TMEM185B: variants seen among roughly 807,000 people sequenced by gnomAD.
TMEM185B encodes the protein transmembrane protein 185B.
Under a neutral mutation model 26.2 loss-of-function variants are expected in TMEM185B, and 9 were observed. That is an observed-to-expected ratio of 0.34 (90% confidence interval 0.21 to 0.60). TMEM185B has a LOEUF of 0.60. Among genes scored for constraint, TMEM185B ranks in the 20% least tolerant of loss-of-function variants. The pLI is 0.80. For missense variants in TMEM185B, 392 were observed against 447.9 expected (o/e 0.88, Z 1.13); for synonymous variants, 204 against 191.8 (o/e 1.06, Z -0.52).
rs1382045481 is a variant in TMEM185B at position 120,221,975 on chromosome 2, A to T, written c.1002T>A (p.Pro334=). 1.3e-6 allele frequency: 2 copies of T among 1,536,334 alleles called. No individual in the cohort carries two copies. Reference sequence around the variant, plus strand: ...TGGGAGGGGGGGGAACGTATTTCCCAGGGCTCTGGGTTATAACTACTCTGG... The same window carrying T: ...TGGGAGGGGGGGGAACGTATTTCCCTGGGCTCTGGGTTATAACTACTCTGG... ...KKARVVITQS[P]GKYVPPPPKL... is the part of the protein sequence containing the mutation. The change falls in exon 1 of 1, where the codon CCT becomes CCA. Residue 334 remains proline (P), a synonymous_variant. Transcript: ENST00000426077.
chr2:120,221,930 T>G lies in TMEM185B; in HGVS notation c.1047A>C (p.Pro349=). The part of the protein sequence containing the change: ...PPPPKLNIDM[P]D ...CTGGGTCCTCTCTAGGAGTTTAATC[T>G]GGCATATCAATATTTAACTTGGGAG... Residue 349 remains proline, a synonymous_variant, in exon 1 of 1, where the codon CCA becomes CCC. Transcript: ENST00000426077. 1 of 1,527,948 alleles carries G rather than the reference T, an allele frequency of 6.5e-7. No individual in the cohort carries two copies. The highest frequency in any genetic ancestry group is 8.7e-7 in the Non-Finnish European group (1 of 1,143,382). 94.6% of individuals were successfully genotyped at this position (1,527,948 alleles called of 1,614,324 possible). A position where few individuals can be genotyped will look rare whatever the true frequency, so the allele number is the denominator to read the frequency against.
chr2:120,219,306 G>C lies in TMEM185B; in HGVS notation c.*2618C>G, dbSNP rs530165158. ...TTTCATGGCAGTTAGGTAAATCCCA[G>C]GCACTGAAGTGCTCGCAGCCTCACA... On this transcript the variant is annotated 3_prime_UTR_variant, in exon 1 of 1. Transcript: ENST00000426077. Among the ~76,000 whole-genome samples the C allele has an allele frequency of 2.0e-5, 3 of 152,290 alleles. No individual in the cohort carries two copies. In the East Asian group the frequency reaches 5.8e-4, roughly 29 times the overall value.
rs1688559475 is a variant in TMEM185B at position 120,219,991 on chromosome 2, T to C, written c.*1933A>G. 6.6e-6 allele frequency among the ~76,000 whole-genome samples: 1 copy of C among 152,220 alleles called. No individual in the cohort carries two copies. On this transcript the variant is annotated 3_prime_UTR_variant, in exon 1 of 1. Transcript: ENST00000426077. ...CCCACTGCTGCTCAGGGCTGCCGGCTGGTGTAAACTGCCAGTGTGAGAGAG... is the reference window on the plus strand; with the variant it reads ...CCCACTGCTGCTCAGGGCTGCCGGCCGGTGTAAACTGCCAGTGTGAGAGAG...
rs1260377623 is a variant in TMEM185B, at chr2:120,220,985, GTTGC to G, written c.*935_*938del. On this transcript the variant is annotated 3_prime_UTR_variant, in exon 1 of 1. Transcript: ENST00000426077. ...ATTCTTAGAAATGGACAAACCACTTGTTGCTTATTTCCACACAGTTACTACCTGT... is the reference window on the plus strand; with the variant it reads ...ATTCTTAGAAATGGACAAACCACTTGTTATTTCCACACAGTTACTACCTGT... Among the ~76,000 whole-genome samples the G allele has an allele frequency of 6.6e-6, 1 of 152,126 alleles. No homozygotes were observed. The highest frequency in any genetic ancestry group is 1.5e-5 in the Non-Finnish European group (1 of 68,014).
chr2:120,223,229 C>T lies in TMEM185B; in HGVS notation c.-253G>A, dbSNP rs1688626826. The T allele has an allele frequency of 3.3e-6, 1 of 302,828 alleles. No individual in the cohort carries two copies. Among genetic ancestry groups the T allele is most frequent in the East Asian group, 5.4e-5 (1 of 18,632 alleles). 18.8% of individuals were successfully genotyped at this position (302,828 alleles called of 1,614,324 possible). On this transcript the variant is annotated 5_prime_UTR_variant, in exon 1 of 1. Transcript: ENST00000426077. The stretch of plus-strand genomic sequence containing the variant: ...GCGGGCACGGGCGGCGCGGCGGTTA[C>T]AAACTGGGCGCTGCCTCGGTCCCGC...
chr2:120,221,936 ATCAATAT>A lies in TMEM185B; in HGVS notation c.1034_1040del (p.Asn345IlefsTer53). The A allele has an allele frequency of 6.5e-7, 1 of 1,531,044 alleles. No homozygotes were observed. Among genetic ancestry groups the A allele is most frequent in the Non-Finnish European group, 8.7e-7 (1 of 1,144,866 alleles). The allele number at this position is 1,531,044 out of a possible 1,614,324, so 94.8% of individuals were successfully genotyped here. A position where few individuals can be genotyped will look rare whatever the true frequency, so the allele number is the denominator to read the frequency against. The stretch of plus-strand genomic sequence containing the variant: ...CCTCTCTAGGAGTTTAATCTGGCAT[ATCAATAT>A]TTAACTTGGGAGGGGGGGGAACGTA... On this transcript the variant is annotated frameshift_variant, in exon 1 of 1. Transcript: ENST00000426077. LOFTEE classifies it high-confidence loss of function.
Position 120,223,307 on chromosome 2 carries a change from G to C in TMEM185B, c.-331C>G, listed in dbSNP as rs1286665095. The C allele has an allele frequency of 5.3e-6, 1 of 188,354 alleles. No homozygotes were observed. Among genetic ancestry groups the C allele is most frequent in the Non-Finnish European group, 1.1e-5 (1 of 92,460 alleles). 11.7% of individuals were successfully genotyped at this position (188,354 alleles called of 1,614,324 possible). On this transcript the variant is annotated 5_prime_UTR_variant, in exon 1 of 1. Coordinates refer to ENST00000426077, the MANE Select transcript of TMEM185B (RefSeq NM_024121.3). The stretch of plus-strand genomic sequence containing the variant: ...CAAGAAGGCACCTAATGCGTGTGGG[G>C]CCCGAAGGGGCCTGGCGCGCTGCTG...
rs1027226875 is a variant in TMEM185B, at chr2:120,221,711, G to T, written c.*213C>A. 1.8e-6 allele frequency: 1 copy of T among 548,742 alleles called. No homozygotes were observed. Among genetic ancestry groups the T allele is most frequent in the Non-Finnish European group, 3.2e-6 (1 of 314,018 alleles). 34.0% of individuals were successfully genotyped at this position (548,742 alleles called of 1,614,324 possible). A position where few individuals can be genotyped will look rare whatever the true frequency, so the allele number is the denominator to read the frequency against. Reference sequence around the variant, plus strand: ...TGCCCCCAGCTACACCTGAAAGTGCGAACCTGGAAAGCAAGTCTCTTACCC... The same window carrying T: ...TGCCCCCAGCTACACCTGAAAGTGCTAACCTGGAAAGCAAGTCTCTTACCC... On this transcript the variant is annotated 3_prime_UTR_variant, in exon 1 of 1. Transcript: ENST00000426077.
chr2:120,219,177 G>C lies in TMEM185B; in HGVS notation c.*2747C>G, dbSNP rs1233798834. On this transcript the variant is annotated 3_prime_UTR_variant, in exon 1 of 1. Coordinates refer to ENST00000426077, the MANE Select transcript of TMEM185B (RefSeq NM_024121.3). ...ACCCAAGAATGGGAATCTAGTTGTAGACCACTGAGATTTCTGATGCTGTTT... is the reference window on the plus strand; with the variant it reads ...ACCCAAGAATGGGAATCTAGTTGTACACCACTGAGATTTCTGATGCTGTTT... Among the ~76,000 whole-genome samples the C allele has an allele frequency of 6.6e-6, 1 of 152,200 alleles. No homozygotes were observed.
chr2:120,217,871 G>T lies in TMEM185B; in HGVS notation c.*4053C>A, dbSNP rs760028565. Among the ~76,000 whole-genome samples the T allele has an allele frequency of 1.3e-5, 2 of 152,184 alleles. No homozygotes were observed. Among genetic ancestry groups the T allele is most frequent in the African/African-American group, 2.4e-5 (1 of 41,440 alleles). On this transcript the variant is annotated 3_prime_UTR_variant, in exon 1 of 1. Transcript: ENST00000426077. Reference sequence around the variant, plus strand: ...GACACCTGCAGATATCCTGGGTTGCGGGCTGGAAGAAGTATTAACAGTTGA... The same window carrying T: ...GACACCTGCAGATATCCTGGGTTGCTGGCTGGAAGAAGTATTAACAGTTGA...
rs899255559 is a variant in TMEM185B, at chr2:120,219,124, G to A, written c.*2800C>T. Among the ~76,000 whole-genome samples the A allele has an allele frequency of 6.6e-6, 1 of 152,222 alleles. No homozygotes were observed. The highest frequency in any genetic ancestry group is 1.5e-5 in the Non-Finnish European group (1 of 68,038). On this transcript the variant is annotated 3_prime_UTR_variant, in exon 1 of 1. Coordinates refer to ENST00000426077, the MANE Select transcript of TMEM185B (RefSeq NM_024121.3). Reference sequence around the variant, plus strand: ...GACGTGATCAGACCCCCAGCCTGGAGCATAACCTAGAAGCCAACTTGTAGA... The same window carrying A: ...GACGTGATCAGACCCCCAGCCTGGAACATAACCTAGAAGCCAACTTGTAGA...
chr2:120,223,366 C>G lies in TMEM185B; in HGVS notation c.-390G>C, dbSNP rs1688630274. The G allele has an allele frequency of 6.2e-6, 1 of 161,720 alleles. No homozygotes were observed. Among genetic ancestry groups the G allele is most frequent in the Admixed American group, 6.5e-5 (1 of 15,480 alleles). 10.0% of individuals were successfully genotyped at this position (161,720 alleles called of 1,614,324 possible). A position where few individuals can be genotyped will look rare whatever the true frequency, so the allele number is the denominator to read the frequency against. ...AGCGGCCCGCGACCTTGGGCGGACG[C>G]TTCCAGGCGACTCCGGGAACATGGA... On this transcript the variant is annotated 5_prime_UTR_variant, in exon 1 of 1. Coordinates refer to ENST00000426077, the MANE Select transcript of TMEM185B (RefSeq NM_024121.3).
rs183134242 is a variant in TMEM185B, at chr2:120,221,908, G to C, written c.*16C>G. 52 of 1,500,354 alleles carry C rather than the reference G, an allele frequency of 3.5e-5. No homozygotes were observed. Among genetic ancestry groups the C allele is most frequent in the Admixed American group, 8.7e-5 (4 of 45,898 alleles). 92.9% of individuals were successfully genotyped at this position (1,500,354 alleles called of 1,614,324 possible). A position where few individuals can be genotyped will look rare whatever the true frequency, so the allele number is the denominator to read the frequency against. On this transcript the variant is annotated 3_prime_UTR_variant, in exon 1 of 1. Transcript: ENST00000426077. ...GCCAAGTGGAGTCTGTGTGTGCCTG[G>C]GTCCTCTCTAGGAGTTTAATCTGGC...
In TMEM185B at chr2:120,222,159, C is replaced by A; in HGVS notation, c.818G>T (p.Gly273Val). ...RRKGGNHWWF[G>V]IRRDFCQFLL... is the part of the protein sequence containing the mutation. ...AAACTGACAGAAGTCTCTGCGAATG[C>A]CAAACCACCAATGATTGCCCCCCTT... Residue 273 changes from glycine (G) to valine (V), a missense_variant, in exon 1 of 1, where the codon GGC becomes GTC. Physicochemically the swap from Gly to Val is moderately radical, Grantham distance 109. This residue lies in a region of TMEM185B where 176 missense variants were observed against 201.6 expected (regional missense o/e 0.87). Coordinates refer to ENST00000426077, the MANE Select transcript of TMEM185B (RefSeq NM_024121.3). The A allele has an allele frequency of 6.4e-7, 1 of 1,561,140 alleles. No individual in the cohort carries two copies.
Position 120,222,622 on chromosome 2 carries a change from G to C in TMEM185B, c.355C>G (p.Leu119Val), listed in dbSNP as rs1574831652. 2.6e-6 allele frequency: 4 copies of C among 1,536,478 alleles called. No individual in the cohort carries two copies. In the Middle Eastern group the frequency reaches 5.0e-4, roughly 192 times the overall value. The change falls in exon 1 of 1, where the codon CTC (leucine) becomes GTC (valine). Residue 119 changes from leucine (L) to valine (V), a missense_variant. Coordinates refer to ENST00000426077, the MANE Select transcript of TMEM185B (RefSeq NM_024121.3). The part of the protein sequence containing the change: ...THFWLLVFMP[L>V]FFVSPVSVAA... ...ACGGACACGGGGGACACGAAGAAGA[G>C]AGGCATGAAGACCAGCAGCCAGAAG...
Position 120,221,123 on chromosome 2 carries a change from A to G in TMEM185B, c.*801T>C, listed in dbSNP as rs1688579054. On this transcript the variant is annotated 3_prime_UTR_variant, in exon 1 of 1. Transcript: ENST00000426077. Reference sequence around the variant, plus strand: ...GTGGCCTCTTCCTCTACTAACGGGTACTACCAGAGACCTTGGTTACTAACA... The same window carrying G: ...GTGGCCTCTTCCTCTACTAACGGGTGCTACCAGAGACCTTGGTTACTAACA... Among the ~76,000 whole-genome samples the G allele has an allele frequency of 6.6e-6, 1 of 152,224 alleles. No homozygotes were observed. Among genetic ancestry groups the G allele is most frequent in the Admixed American group, 6.5e-5 (1 of 15,284 alleles).
At position 120,218,523 on chromosome 2, in the gene TMEM185B, G is replaced by A. The variant is rs772474875; in HGVS notation, c.*3401C>T. 3.3e-5 allele frequency among the ~76,000 whole-genome samples: 5 copies of A among 152,238 alleles called. No homozygotes were observed. Among genetic ancestry groups the A allele is most frequent in the African/African-American group, 1.2e-4 (5 of 41,472 alleles). On this transcript the variant is annotated 3_prime_UTR_variant, in exon 1 of 1. Transcript: ENST00000426077. The stretch of plus-strand genomic sequence containing the variant: ...GTCAGGGCCCTGGCAGGGCCAGGTG[G>A]GGATGGCCTCCCTCACCGTCTGCTG...
At position 120,222,568 on chromosome 2, in the gene TMEM185B, C is replaced by G; in HGVS notation, c.409G>C (p.Asp137His). ...AGGATCTCCAGCTCCAGCGACCTAT[C>G]GTGTCGAAAGCCCCAGACGCAGGCA... ...VAACVWGFRH[D>H]RSLELEILCS... is the part of the protein sequence containing the mutation. The change falls in exon 1 of 1, where the codon GAT becomes CAT. Residue 137 changes from aspartate to histidine, a missense_variant. Transcript: ENST00000426077. 3 of 1,536,472 alleles carry G rather than the reference C, an allele frequency of 2.0e-6. No individual in the cohort carries two copies. The highest frequency in any genetic ancestry group is 2.6e-6 in the Non-Finnish European group (3 of 1,147,006).
rs886547954 is a variant in TMEM185B at position 120,218,825 on chromosome 2, A to G, written c.*3099T>C. Among the ~76,000 whole-genome samples, 2 of 152,168 alleles carry G rather than the reference A, an allele frequency of 1.3e-5. No homozygotes were observed. Among genetic ancestry groups the G allele is most frequent in the Non-Finnish European group, 2.9e-5 (2 of 68,034 alleles). On this transcript the variant is annotated 3_prime_UTR_variant, in exon 1 of 1. Transcript: ENST00000426077. ...ACAAATCATGGATGATCTGCCACAC[A>G]TTTTGCGACTCCTTGAGAACCATTT...
Sources: allele counts gnomAD v4.1 joint callset (sites outside exome capture counted in the v4.1 genomes callset), GRCh38; gene constraint gnomAD v4.1.1; regional missense constraint gnomAD v4.1.1; transcripts MANE v1.5; gene names NCBI Gene and HGNC (gene_info 2026-07-23, HGNC 2026-07-21).